The following ALCAM variants were observed in gnomAD, a reference collection of about 807,000 sequenced individuals.
ALCAM encodes the protein CD166 antigen.
ALCAM carries 30 observed loss-of-function variants against 70.9 expected under a neutral mutation model. The observed-to-expected ratio is 0.42, with a 90% CI of 0.32 to 0.57. ALCAM has a LOEUF of 0.57. ALCAM is among the 20% of genes least tolerant of loss of function. The pLI, the probability that ALCAM is intolerant of heterozygous loss-of-function variation, is 0.11. For synonymous variants in ALCAM, 249 were observed against 242.5 expected, an observed-to-expected ratio of 1.03 and a Z score of -0.25; for missense variants, 591 against 695.1, an observed-to-expected ratio of 0.85 and a Z score of 1.68.
intron 6 of ALCAM, among the ~76,000 whole-genome samples, chr3:105,539,114 A>T (rs1429085652): frequency 6.6e-6 from 1 of 152,126 alleles, no homozygotes; most frequent in East Asian, 1.9e-4. Context: ...CTTGTGGAAA[A>T]CATTCTATAA....
At chr3:105,436,392 GAGTGC>G (rs750541559) in intron 1 of ALCAM, among the ~76,000 whole-genome samples, 110 of 151,986 alleles carry the variant, frequency 7.2e-4, no homozygotes, top group Non-Finnish European at 1.2e-3. Flanking sequence ...GCCCAGGCTG[GAGTGC>G]AGTGGTGCGA....
At chr3:105,573,386 G>GT (rs146990012) in intron 15 of ALCAM, among the ~76,000 whole-genome samples, 13,734 of 152,076 alleles carry the variant, frequency 0.09, 665 homozygotes, top group South Asian at 0.17. Flanking sequence ...AAGCGTGAGT[G>GT]TATTTATACA....
In ALCAM at chr3:105,367,177, C is replaced by T. The variant is rs376586268; in HGVS notation, c.-232C>T. The T allele has an allele frequency of 9.1e-6, 5 of 546,740 alleles. No homozygotes were observed. The highest frequency in any genetic ancestry group is 1.6e-5 in the Non-Finnish European group (5 of 303,080). 33.9% of individuals were successfully genotyped at this position (546,740 alleles called of 1,614,324 possible). On this transcript the variant is annotated 5_prime_UTR_variant, in exon 1 of 16. Transcript: ENST00000306107. ...TCCCCGGAGGAGCAGCCGAAGGGCC[C>T]GTGGGCTGGTGTTGACCGGGAGGGA...
chr3:105,386,387 T>C (rs1435361597), intron 1 of ALCAM, among the ~76,000 whole-genome samples: 3 of 151,622 alleles, frequency 2.0e-5, no homozygotes, highest in Non-Finnish European at 4.4e-5. Flanking sequence ...CTGGCATAAA[T>C]GGATTTGGTT....
At chr3:105,538,326 AG>A (rs1357829362) in intron 6 of ALCAM, among the ~76,000 whole-genome samples, 19 of 152,244 alleles carry the variant, frequency 1.2e-4, no homozygotes, top group Admixed American at 9.8e-4. Flanking sequence ...TGGATAAGAG[AG>A]GGCAAAGGAG....
Position 105,394,515 on chromosome 3 carries a change from G to T in ALCAM, c.73+27034G>T, listed in dbSNP as rs574491689. On this transcript the variant is annotated intron_variant, in intron 1 of 15. Transcript: ENST00000306107. ...GTTGTTATTTACATTTACCAAAACTGCAGGGATTTCCTTAGATGCCTTCCA... is the reference window on the plus strand; with the variant it reads ...GTTGTTATTTACATTTACCAAAACTTCAGGGATTTCCTTAGATGCCTTCCA... 2.3e-4 allele frequency among the ~76,000 whole-genome samples: 35 copies of T among 152,050 alleles called. No individual in the cohort carries two copies. In the South Asian group the frequency reaches 6.8e-3, roughly 30 times the overall value.
At chr3:105,460,179 A>G (rs1937584326) in intron 1 of ALCAM, among the ~76,000 whole-genome samples, 2 of 151,870 alleles carry the variant, frequency 1.3e-5, no homozygotes, top group African/African-American at 4.8e-5. Context: ...ATTAAGGGAA[A>G]CCTTTTTTCC....
At chr3:105,466,252 G>C (rs907559330) in intron 1 of ALCAM, among the ~76,000 whole-genome samples, 11 of 151,328 alleles carry the variant, frequency 7.3e-5, no homozygotes, top group Non-Finnish European at 1.5e-5. Flanking sequence ...CACCTAGTAA[G>C]TGTCTTTCTG....
At chr3:105,566,652 A>AAT (rs891108946) in intron 14 of ALCAM, among the ~76,000 whole-genome samples, 1 of 152,156 alleles carries the variant, frequency 6.6e-6, no homozygotes, top group African/African-American at 2.4e-5. Context: ...AACTCAAAAC[A>AAT]ATCTACTCAT....
At chr3:105,503,163 A>G (rs1938970176) in intron 1 of ALCAM, among the ~76,000 whole-genome samples, 2 of 152,198 alleles carry the variant, frequency 1.3e-5, no homozygotes, top group South Asian at 2.1e-4. Flanking sequence ...TGCATTAACA[A>G]TTTGCGTTTA....
intron 9 of ALCAM, 116 bp from the exon 10 acceptor site, chr3:105,547,033 G>A (rs1431939854): frequency 1.2e-6 from 1 of 848,812 alleles, no homozygotes; most frequent in Admixed American, 3.0e-5. Flanking sequence ...TTAAGAAAAA[G>A]AAGTTTGCAT....
intron 1 of ALCAM, among the ~76,000 whole-genome samples, chr3:105,480,972 C>T (rs1016298612): frequency 3.0e-4 from 46 of 151,948 alleles, no homozygotes; most frequent in Admixed American, 5.3e-4. Context: ...GATTCTGTTC[C>T]GGCTGTGACA....
At chr3:105,462,947 T>C (rs1384543399) in intron 1 of ALCAM, among the ~76,000 whole-genome samples, 1 of 151,454 alleles carries the variant, frequency 6.6e-6, no homozygotes, top group Admixed American at 6.6e-5. Context: ...TCTCTAAATT[T>C]ACCTTGAGAG....
chr3:105,568,058 A>T (rs934966219), intron 14 of ALCAM, among the ~76,000 whole-genome samples: 1,213 of 116,188 alleles, frequency 0.01, 13 homozygotes, highest in African/African-American at 0.03. Context: ...ATTTTATTTT[A>T]TTTTATTTTT....
At chr3:105,554,405 T>C (rs1286652089) in intron 14 of ALCAM, among the ~76,000 whole-genome samples, 2 of 151,902 alleles carry the variant, frequency 1.3e-5, no homozygotes, top group Non-Finnish European at 2.9e-5. Flanking sequence ...ATATCTTCAC[T>C]GATTAAATGA....
chr3:105,415,830 T>A (rs947027899), intron 1 of ALCAM, among the ~76,000 whole-genome samples: 6 of 152,122 alleles, frequency 3.9e-5, no homozygotes, highest in African/African-American at 1.4e-4. Context: ...TTTCTAGGCT[T>A]TGCTGTCATG....
intron 1 of ALCAM, among the ~76,000 whole-genome samples, chr3:105,379,698 C>T (rs1935468084): frequency 6.6e-6 from 1 of 151,774 alleles, no homozygotes; most frequent in South Asian, 2.1e-4. Flanking sequence ...AGCTCCACTG[C>T]TTCCCTTTTA....
intron 1 of ALCAM, among the ~76,000 whole-genome samples, chr3:105,397,347 CT>C (rs1306945729): frequency 6.6e-6 from 1 of 151,734 alleles, no homozygotes; most frequent in Non-Finnish European, 1.5e-5. Context: ...ATGAAGTAAA[CT>C]TAGTCAAAGT....
At chr3:105,559,373 A>AG (rs1206448246) in intron 14 of ALCAM, among the ~76,000 whole-genome samples, 1 of 151,030 alleles carries the variant, frequency 6.6e-6, no homozygotes, top group Non-Finnish European at 1.5e-5. Context: ...CTTTAAAAAA[A>AG]AACAAAACAA....
Sources: allele counts gnomAD v4.1 joint callset (sites outside exome capture counted in the v4.1 genomes callset), GRCh38; gene constraint gnomAD v4.1.1; transcripts MANE v1.5; gene names NCBI Gene and HGNC (gene_info 2026-07-23, HGNC 2026-07-21).